MAP7: variants seen among roughly 807,000 people sequenced by gnomAD.
MAP7 encodes ensconsin.
A neutral mutation model predicts 94.8 loss-of-function variants in MAP7; 52 were observed. That is an observed-to-expected ratio of 0.55 (90% CI 0.44 to 0.69). The LOEUF is 0.69. MAP7 is among the 30% of genes least tolerant of loss of function. The pLI is 0.00. For synonymous variants in MAP7, 350 were observed against 357.0 expected (o/e 0.98, Z 0.22); for missense variants, 940 against 964.6 (o/e 0.97, Z 0.34).
Position 136,365,959 on chromosome 6 carries a change from G to A in MAP7, c.1049C>T (p.Pro350Leu), listed in dbSNP as rs1794193846. 2 of 1,613,700 alleles carry A rather than the reference G, an allele frequency of 1.2e-6. No homozygotes were observed. Among genetic ancestry groups the A allele is most frequent in the Non-Finnish European group, 1.7e-6 (2 of 1,180,042 alleles). ...PGTPRPTSSL[P>L]PGSVKAAPAQ... ...AGGAGCAGCTTTGACTGAGCCGGGTGGCAAGGAGGATGTCGGTCTGGGTGT... is the reference window on the plus strand; with the variant it reads ...AGGAGCAGCTTTGACTGAGCCGGGTAGCAAGGAGGATGTCGGTCTGGGTGT... Residue 350 changes from proline to leucine, a missense_variant, in exon 10 of 18, where the codon CCA becomes CTA. Coordinates refer to ENST00000354570, the MANE Select transcript of MAP7 (RefSeq NM_003980.6).
intron 1 of MAP7, among the ~76,000 whole-genome samples, chr6:136,427,646 A>T (rs576107590): frequency 6.6e-6 from 1 of 152,242 alleles, no homozygotes; most frequent in Non-Finnish European, 1.5e-5. Context: ...AAAAAACTAA[A>T]TAGGATCATC....
intron 1 of MAP7, among the ~76,000 whole-genome samples, chr6:136,475,608 T>A (rs1271705708): frequency 6.6e-6 from 1 of 152,248 alleles, no homozygotes; most frequent in Non-Finnish European, 1.5e-5. Flanking sequence ...AACATCATGT[T>A]CAACCTCCTG....
chr6:136,373,344 C>T (rs1021277417), intron 7 of MAP7, among the ~76,000 whole-genome samples: 1 of 152,178 alleles, frequency 6.6e-6, no homozygotes, highest in African/African-American at 2.4e-5. Flanking sequence ...TAAGAAGCAG[C>T]ATTAGAGCAT....
chr6:136,454,135 T>G (rs780021616), intron 1 of MAP7, among the ~76,000 whole-genome samples: 5 of 152,134 alleles, frequency 3.3e-5, no homozygotes, highest in Non-Finnish European at 7.4e-5. Context: ...AGATATTTAA[T>G]AGGGTTTACT....
intron 2 of MAP7, among the ~76,000 whole-genome samples, chr6:136,416,816 A>AG (rs1789622691): frequency 6.6e-6 from 1 of 151,996 alleles, no homozygotes; most frequent in African/African-American, 2.4e-5. Flanking sequence ...AAAAAAAAAA[A>AG]AAAATTATAT....
At chr6:136,520,658 G>C (rs1408247926) in intron 1 of MAP7, among the ~76,000 whole-genome samples, 1 of 152,192 alleles carries the variant, frequency 6.6e-6, no homozygotes, top group African/African-American at 2.4e-5. Flanking sequence ...AGGAGGCTGG[G>C]AGCGAGAGAG....
At position 136,490,833 on chromosome 6, in the gene MAP7, G is replaced by A. The variant is rs147426289; in HGVS notation, c.67+59509C>T. On this transcript the variant is annotated intron_variant, in intron 1 of 17. Transcript: ENST00000354570. ...CACTGCTTCTGTGGGCCTGAGTCCC[G>A]CTCTCTCACACCTATAGGTCTGTCT... 2.4e-4 allele frequency among the ~76,000 whole-genome samples: 37 copies of A among 152,252 alleles called. No homozygotes were observed. In the East Asian group the frequency reaches 3.1e-3, roughly 13 times the overall value.
intron 1 of MAP7, among the ~76,000 whole-genome samples, chr6:136,500,404 G>GT (rs1391509687): frequency 1.3e-5 from 2 of 152,138 alleles, no homozygotes; most frequent in Non-Finnish European, 1.5e-5. Context: ...TATTTGACTT[G>GT]TTTTTTAATT....
chr6:136,493,742 T>A (rs973092865), intron 1 of MAP7, among the ~76,000 whole-genome samples: 1 of 152,138 alleles, frequency 6.6e-6, no homozygotes, highest in Non-Finnish European at 1.5e-5. Flanking sequence ...TCGTTCTCAT[T>A]GGGATTCAAT....
intron 1 of MAP7, among the ~76,000 whole-genome samples, chr6:136,523,325 A>G (rs1826931758): frequency 6.6e-6 from 1 of 152,242 alleles, no homozygotes; most frequent in Non-Finnish European, 1.5e-5. Context: ...GAAGACACAA[A>G]TTCAGAACGT....
chr6:136,421,741 T>C lies in MAP7; in HGVS notation c.126A>G (p.Ala42=), dbSNP rs375323671. The C allele has an allele frequency of 1.5e-5, 25 of 1,614,022 alleles. No homozygotes were observed. The highest frequency in any genetic ancestry group is 8.9e-5 in the East Asian group (4 of 44,896). Residue 42 remains alanine, a synonymous_variant, in exon 2 of 18, where the codon GCA becomes GCG. Coordinates refer to ENST00000354570, the MANE Select transcript of MAP7 (RefSeq NM_003980.6). The part of the protein sequence containing the change: ...KKNASSRPAS[A]ISGQNNNHSG... ...AGTGGTTGTTATTTTGTCCTGAAAT[T>C]GCAGAGGCAGGGCGGCTGGAGGCAT... is the stretch of plus-strand genomic sequence containing the variant.
At chr6:136,460,061 A>G (rs571784650) in intron 1 of MAP7, among the ~76,000 whole-genome samples, 1 of 152,278 alleles carries the variant, frequency 6.6e-6, no homozygotes, top group Admixed American at 6.5e-5. Flanking sequence ...CCCACTTTTG[A>G]AGGACCAACT....
rs1466608931 is a variant in MAP7 at position 136,356,584 on chromosome 6, AG to A, written c.2015+107del. On this transcript the variant is annotated intron_variant, in intron 16 of 17. Coordinates refer to ENST00000354570, the MANE Select transcript of MAP7 (RefSeq NM_003980.6). ...TTACTAGCTCAACCAAAAATCAATG[AG>A]GCCCCCCCCAAATAATAAATCCTAA... The A allele has an allele frequency of 1.3e-5, 10 of 793,190 alleles. No homozygotes were observed. The African/African-American group carries it at 1.6e-4, about 13-fold the overall frequency. The allele number at this position is 793,190 out of a possible 1,614,324, so 49.1% of individuals were successfully genotyped here. A position where few individuals can be genotyped will look rare whatever the true frequency, so the allele number is the denominator to read the frequency against.
Position 136,389,531 on chromosome 6 carries a change from TAAAAAA to T in MAP7, c.245-20_245-15del. On this transcript the variant is annotated splice_polypyrimidine_tract_variant and intron_variant, in intron 3 of 17. Coordinates refer to ENST00000354570, the MANE Select transcript of MAP7 (RefSeq NM_003980.6). ...TTTCTCTTGCAGCTTTGGGGAGGGT[TAAAAAA>T]AAAAAAAAAGAGGGAAATCAAATAT... 1.3e-6 allele frequency: 2 copies of T among 1,529,402 alleles called. No homozygotes were observed. The highest frequency in any genetic ancestry group is 8.7e-7 in the Non-Finnish European group (1 of 1,143,860). 94.7% of individuals were successfully genotyped at this position (1,529,402 alleles called of 1,614,324 possible).
At chr6:136,401,547 C>T (rs1156517860) in intron 3 of MAP7, among the ~76,000 whole-genome samples, 3 of 152,072 alleles carry the variant, frequency 2.0e-5, no homozygotes, top group African/African-American at 2.4e-5. Flanking sequence ...AACCAAACAC[C>T]GCATGTTCTC....
intron 15 of MAP7, 50 bp from the exon 16 acceptor site, chr6:136,356,844 T>C: frequency 1.4e-6 from 2 of 1,455,278 alleles, no homozygotes; most frequent in Non-Finnish European, 1.9e-6. Flanking sequence ...ATTCTTTTCT[T>C]AGACCTAACC....
chr6:136,407,119 T>C lies in MAP7; in HGVS notation c.244+4501A>G, dbSNP rs539655947. Among the ~76,000 whole-genome samples, 12 of 152,344 alleles carry C rather than the reference T, an allele frequency of 7.9e-5. No homozygotes were observed. The South Asian group carries it at 2.3e-3, about 29-fold the overall frequency. ...TGGCCCATAGTTAGTGCTCAATAAA[T>C]ACTGTTTATCATTATTGCTATTATT... On this transcript the variant is annotated intron_variant, in intron 3 of 17. Coordinates refer to ENST00000354570, the MANE Select transcript of MAP7 (RefSeq NM_003980.6).
At chr6:136,377,545 A>C (rs899663478) in intron 7 of MAP7, among the ~76,000 whole-genome samples, 6 of 152,238 alleles carry the variant, frequency 3.9e-5, no homozygotes, top group Non-Finnish European at 5.9e-5. Context: ...GAGAGGCTTC[A>C]TCAGCCTGCC....
rs187431404 is a variant in MAP7, at chr6:136,484,869, T to A, written c.68-63070A>T. 1.7e-4 allele frequency among the ~76,000 whole-genome samples: 26 copies of A among 152,154 alleles called. No individual in the cohort carries two copies. In the East Asian group the frequency reaches 4.4e-3, roughly 26 times the overall value. ...TACCAGGCTAGGTTAATTTTTATCT[T>A]TTTTTTGTAGAGCAAGGGTCTTACT... On this transcript the variant is annotated intron_variant, in intron 1 of 17. Transcript: ENST00000354570.
Sources: gnomAD v4.1 joint callset for allele counts (sites outside exome capture counted in the v4.1 genomes callset) on GRCh38, gnomAD v4.1.1 for gene constraint, MANE v1.5 for transcripts, NCBI Gene and HGNC (gene_info 2026-07-23, HGNC 2026-07-21) for gene names.